DNAJC16: variants seen among roughly 807,000 people sequenced by gnomAD.
The protein encoded by DNAJC16 is DnaJ heat shock protein family (Hsp40) member C16.
A neutral mutation model predicts 92.7 loss-of-function variants in DNAJC16; 76 were observed. The ratio of observed to expected loss-of-function variants is 0.82; its 90% CI spans 0.68 to 0.99. The LOEUF (loss-of-function observed/expected upper bound fraction) is 0.99, where lower values mean the gene tolerates loss of function less well. Ranked by LOEUF, DNAJC16 falls within the 50% of genes least tolerant of loss-of-function variation. DNAJC16 has a pLI of 0.00. For missense variants in DNAJC16, 869 were observed against 942.4 expected (o/e 0.92, Z 1.02); for synonymous variants, 328 against 358.7 (o/e 0.91, Z 0.97).
chr1:15,566,879 ATC>A (rs1482558010), intron 13 of DNAJC16, among the ~76,000 whole-genome samples: 3 of 152,180 alleles, frequency 2.0e-5, no homozygotes, highest in African/African-American at 7.2e-5. Context: ...GCAAGAACCT[ATC>A]TCAAAAAGAA....
At chr1:15,544,623 T>G in intron 5 of DNAJC16, 40 bp downstream of exon 5, 2 of 1,601,672 alleles carry the variant, frequency 1.2e-6, no homozygotes, top group Non-Finnish European at 1.7e-6. Context: ...AGAAGTAGTT[T>G]AAGAGGTACC....
intron 6 of DNAJC16, among the ~76,000 whole-genome samples, chr1:15,547,535 C>T (rs1006031735): frequency 2.2e-4 from 33 of 151,764 alleles, no homozygotes; most frequent in Middle Eastern, 3.4e-3. Context: ...CTCCGCCTAC[C>T]GGGTTCAAGC....
intron 5 of DNAJC16, among the ~76,000 whole-genome samples, chr1:15,545,155 A>G (rs1638267945): frequency 6.6e-6 from 1 of 152,230 alleles, no homozygotes; most frequent in African/African-American, 2.4e-5. Context: ...TTATTTCCAT[A>G]TTTAAGCACC....
intron 4 of DNAJC16, among the ~76,000 whole-genome samples, chr1:15,542,702 C>T (rs1449614037): frequency 2.0e-5 from 3 of 152,220 alleles, no homozygotes; most frequent in Non-Finnish European, 4.4e-5. Context: ...GGACCTGATG[C>T]TTCCTCTGGG....
intron 4 of DNAJC16, 117 bp downstream of exon 4, chr1:15,536,931 A>T: frequency 1.2e-6 from 1 of 823,866 alleles, no homozygotes; most frequent in Non-Finnish European, 1.8e-6. Flanking sequence ...GCTCACTGCA[A>T]CCTCCACCTC....
At chr1:15,544,248 T>A in intron 4 of DNAJC16, 151 bp from the exon 5 acceptor site, 1 of 703,376 alleles carries the variant, frequency 1.4e-6, no homozygotes, top group Non-Finnish European at 2.2e-6. Flanking sequence ...AATCTAGAAT[T>A]CCAGCAGTGA....
intron 2 of DNAJC16, among the ~76,000 whole-genome samples, chr1:15,530,752 A>G (rs967696539): frequency 6.6e-6 from 1 of 152,174 alleles, no homozygotes; most frequent in Non-Finnish European, 1.5e-5. Flanking sequence ...CAGTGGCACA[A>G]TCTTGGCTCA....
At chr1:15,548,147 C>T in intron 6 of DNAJC16, 123 bp from the exon 7 acceptor site, 1 of 831,384 alleles carries the variant, frequency 1.2e-6, no homozygotes, top group Non-Finnish European at 1.8e-6. Context: ...TACGGAAGAC[C>T]TAGTGGAGCT....
In DNAJC16 at chr1:15,543,999, A is replaced by G. The variant is rs1013396782; in HGVS notation, c.575-400A>G. On this transcript the variant is annotated intron_variant, in intron 4 of 14. Transcript: ENST00000375847. ...CTAGTAGACATCCAAAAGAAAATGT[A>G]CATTTATCGGCCTTTAATATTGAAT... is the stretch of plus-strand genomic sequence containing the variant. Among the ~76,000 whole-genome samples, 7 of 152,342 alleles carry G rather than the reference A, an allele frequency of 4.6e-5. No homozygotes were observed. The East Asian group carries it at 9.6e-4, about 21-fold the overall frequency.
intron 2 of DNAJC16, 113 bp from the exon 3 acceptor site, chr1:15,534,124 C>T: frequency 1.0e-6 from 1 of 969,020 alleles, no homozygotes; most frequent in South Asian, 1.8e-5. Context: ...AGAAACTTTC[C>T]TAACAAAATA....
Position 15,568,184 on chromosome 1 carries a change from T to A in DNAJC16, c.*7T>A, listed in dbSNP as rs1638864794. On this transcript the variant is annotated 3_prime_UTR_variant, in exon 15 of 15. Coordinates refer to ENST00000375847, the MANE Select transcript of DNAJC16 (RefSeq NM_015291.4). ...ATGGCCTGAACTAGACTGAGAGGAT[T>A]TTCCAAAGAGATTTGAACTCTTCAG... 5 of 1,591,460 alleles carry A rather than the reference T, an allele frequency of 3.1e-6. 1 individual carries two copies. The South Asian group carries it at 5.6e-5, about 18-fold the overall frequency.
chr1:15,553,722 A>C (rs534648897), intron 7 of DNAJC16, among the ~76,000 whole-genome samples: 2 of 152,038 alleles, frequency 1.3e-5, no homozygotes, highest in African/African-American at 4.8e-5. Flanking sequence ...CCCTCCCCCT[A>C]CCTACTTACC....
chr1:15,544,025 G>A (rs999434545), intron 4 of DNAJC16, among the ~76,000 whole-genome samples: 1 of 152,122 alleles, frequency 6.6e-6, no homozygotes, highest in Admixed American at 6.6e-5. Context: ...AATATTGAAT[G>A]TGTCTCCAGT....
At chr1:15,532,787 A>AT (rs971119447) in intron 2 of DNAJC16, among the ~76,000 whole-genome samples, 2 of 151,402 alleles carry the variant, frequency 1.3e-5, no homozygotes, top group Admixed American at 6.6e-5. Flanking sequence ...ACTAGCTGAG[A>AT]TTTTTTTCCC....
In DNAJC16 at chr1:15,544,545, T is replaced by C; in HGVS notation, c.721T>C (p.Phe241Leu). The C allele has an allele frequency of 6.2e-7, 1 of 1,614,138 alleles. No homozygotes were observed. Among genetic ancestry groups the C allele is most frequent in the South Asian group, 1.1e-5 (1 of 91,074 alleles). Residue 241 changes from phenylalanine to leucine, a missense_variant, in exon 5 of 15, where the codon TTT (phenylalanine) becomes CTT (leucine). Physicochemically the swap from Phe to Leu is conservative, Grantham distance 22. Transcript: ENST00000375847. ...AGTTGTCCGTGAAAATCTGCGACAA[T>C]TTGTAGAAAGTCTTCTTCCAGGGAA... ...NAVVRENLRQFVESLLPGNLV... is the reference protein window; with the variant it reads ...NAVVRENLRQLVESLLPGNLV...
At chr1:15,546,704 C>A in intron 5 of DNAJC16, 63 bp from the exon 6 acceptor site, 3 of 1,274,452 alleles carry the variant, frequency 2.4e-6, no homozygotes, top group South Asian at 1.3e-5. Context: ...TTTCTCCTGA[C>A]TGGAGTATAA....
chr1:15,541,560 A>G (rs148449670), intron 4 of DNAJC16, among the ~76,000 whole-genome samples: 167 of 152,290 alleles, frequency 1.1e-3, no homozygotes, highest in African/African-American at 3.4e-3. Context: ...AGTCAAAGTC[A>G]GGTAGCCTAC....
intron 4 of DNAJC16, 41 bp from the exon 5 acceptor site, chr1:15,544,358 A>G (rs1041340296): frequency 3.8e-6 from 6 of 1,566,512 alleles, no homozygotes; most frequent in Non-Finnish European, 5.2e-6. Flanking sequence ...GCTGCCATGG[A>G]GACATAAAAA....
At position 15,562,157 on chromosome 1, in the gene DNAJC16, A is replaced by G. The variant is rs1017614693; in HGVS notation, c.1170A>G (p.Leu390=). Reference sequence around the variant, plus strand: ...TGTTGTGCAGGTACTGTGTGGTTTTATTGACTGCTGAGACTACCAAGTTGA... The same window carrying G: ...TGTTGTGCAGGTACTGTGTGGTTTTGTTGACTGCTGAGACTACCAAGTTGA... The part of the protein sequence containing the change: ...SHRQRKYCVV[L]LTAETTKLSK... The change falls in exon 9 of 15, where the codon TTA becomes TTG. Residue 390 remains leucine, a synonymous_variant. Transcript: ENST00000375847. The G allele has an allele frequency of 5.6e-6, 9 of 1,613,800 alleles. No individual in the cohort carries two copies. In the East Asian group the frequency reaches 1.1e-4, roughly 20 times the overall value.
Sources: gnomAD v4.1 joint callset for allele counts (sites outside exome capture counted in the v4.1 genomes callset) on GRCh38, gnomAD v4.1.1 for gene constraint, MANE v1.5 for transcripts, NCBI Gene and HGNC (gene_info 2026-07-23, HGNC 2026-07-21) for gene names.